The following TBC1D4 variants were observed in gnomAD, a reference collection of about 807,000 sequenced individuals.
TBC1D4 encodes the protein TBC (Tre-2, BUB2, CDC16) domain-containing protein.
Under a neutral mutation model 142.5 loss-of-function variants are expected in TBC1D4, and 121 were observed. The ratio of observed to expected loss-of-function variants is 0.85; its 90% confidence interval spans 0.73 to 0.99. The LOEUF is 0.99. Ranked by LOEUF, TBC1D4 falls within the 50% of genes least tolerant of loss-of-function variation. TBC1D4 has a pLI of 0.00. For missense variants in TBC1D4, 1,475 were observed against 1,606.6 expected (o/e 0.92, Z 1.40); for synonymous variants, 630 against 628.2 (o/e 1.00, Z -0.04).
Position 75,418,318 on chromosome 13 carries a change from C to T in TBC1D4, c.499-55711G>A, listed in dbSNP as rs142108190. 3.6e-3 allele frequency among the ~76,000 whole-genome samples: 543 copies of T among 152,216 alleles called. 5 individuals carry two copies. Among genetic ancestry groups the T allele is most frequent in the Non-Finnish European group, 5.6e-3 (381 of 68,022 alleles). On this transcript the variant is annotated intron_variant, in intron 1 of 20. Transcript: ENST00000377636. ...AATTGTAATCGAATGTGTGAAAAGA[C>T]CTGTTTAAATGAGAATCCAGATGGA...
At chr13:75,313,345 G>A (rs1444846669) in intron 12 of TBC1D4, among the ~76,000 whole-genome samples, 2 of 152,136 alleles carry the variant, frequency 1.3e-5, no homozygotes, top group Non-Finnish European at 2.9e-5. Context: ...AATTGCCTAC[G>A]ACTGTTAAGA....
chr13:75,381,742 T>A (rs1883858995), intron 1 of TBC1D4, among the ~76,000 whole-genome samples: 1 of 152,214 alleles, frequency 6.6e-6, no homozygotes. Flanking sequence ...CCAGAGGCCC[T>A]AAGTATGCTA....
intron 1 of TBC1D4, among the ~76,000 whole-genome samples, chr13:75,429,536 C>T (rs1886510649): frequency 1.3e-5 from 2 of 152,054 alleles, no homozygotes; most frequent in Admixed American, 1.3e-4. Flanking sequence ...GATTTTCATG[C>T]CCAGGCATTT....
At chr13:75,443,260 G>A (rs1445467173) in intron 1 of TBC1D4, among the ~76,000 whole-genome samples, 1 of 152,082 alleles carries the variant, frequency 6.6e-6, no homozygotes, top group Admixed American at 6.5e-5. Flanking sequence ...AGTTTCTAAA[G>A]GAACATAAAA....
At position 75,482,133 on chromosome 13, in the gene TBC1D4, C is replaced by G. The variant is rs942143024; in HGVS notation, c.-366G>C. 1.5e-5 allele frequency: 3 copies of G among 203,980 alleles called. No individual in the cohort carries two copies. Among genetic ancestry groups the G allele is most frequent in the African/African-American group, 4.6e-5 (2 of 43,354 alleles). The allele number at this position is 203,980 out of a possible 1,614,324, so 12.6% of individuals were successfully genotyped here. ...CGGCCGCCGGCTCCAGCGCTGCAGCCCCGCTGCGGCCGCCGCGCTCGCCTG... is the reference window on the plus strand; with the variant it reads ...CGGCCGCCGGCTCCAGCGCTGCAGCGCCGCTGCGGCCGCCGCGCTCGCCTG... On this transcript the variant is annotated 5_prime_UTR_variant, in exon 1 of 21. Transcript: ENST00000377636.
chr13:75,329,454 C>A (rs188561329), intron 8 of TBC1D4, among the ~76,000 whole-genome samples: 1 of 151,302 alleles, frequency 6.6e-6, no homozygotes, highest in Non-Finnish European at 1.5e-5. Flanking sequence ...CTCTCTCCCC[C>A]GCTTGTTTTT....
chr13:75,301,089 T>C (rs766688007), intron 16 of TBC1D4, among the ~76,000 whole-genome samples: 22 of 152,214 alleles, frequency 1.4e-4, no homozygotes, highest in Non-Finnish European at 2.9e-4. Flanking sequence ...TGATTTTTCA[T>C]ATGCCCTAAT....
chr13:75,310,288 G>T, intron 13 of TBC1D4, 137 bp from the exon 14 acceptor site: 1 of 854,230 alleles, frequency 1.2e-6, no homozygotes, highest in Non-Finnish European at 1.9e-6. Context: ...CTTAGTTTCT[G>T]CAGCTAATAT....
chr13:75,395,535 A>C (rs867689471), intron 1 of TBC1D4, among the ~76,000 whole-genome samples: 1 of 152,226 alleles, frequency 6.6e-6, no homozygotes, highest in Admixed American at 6.5e-5. Flanking sequence ...TCCAACAGTG[A>C]AAATAAATGA....
intron 1 of TBC1D4, among the ~76,000 whole-genome samples, chr13:75,458,576 T>G (rs111735109): frequency 2.4e-4 from 37 of 152,316 alleles, no homozygotes; most frequent in African/African-American, 6.3e-4. Context: ...TTACCTAGTA[T>G]TTCCCTGCAT....
At chr13:75,293,846 T>C (rs1415189546) in intron 18 of TBC1D4, among the ~76,000 whole-genome samples, 5 of 152,234 alleles carry the variant, frequency 3.3e-5, no homozygotes. Flanking sequence ...ATTTCCTTAC[T>C]ATTTGTAATA....
chr13:75,334,401 A>G (rs1012956986), intron 8 of TBC1D4, among the ~76,000 whole-genome samples: 1 of 152,066 alleles, frequency 6.6e-6, no homozygotes, highest in Non-Finnish European at 1.5e-5. Context: ...AGGAACATAT[A>G]CATATATACT....
chr13:75,295,475 C>T (rs1474811194), intron 17 of TBC1D4, among the ~76,000 whole-genome samples: 1 of 152,172 alleles, frequency 6.6e-6, no homozygotes, highest in Non-Finnish European at 1.5e-5. Flanking sequence ...AGAGTTCTGG[C>T]TCTCCAGACA....
intron 1 of TBC1D4, among the ~76,000 whole-genome samples, chr13:75,442,411 A>C (rs1217026784): frequency 6.6e-6 from 1 of 152,234 alleles, no homozygotes; most frequent in African/African-American, 2.4e-5. Context: ...AAATAAAACA[A>C]TGCTATGAAT....
At chr13:75,298,319 T>C (rs1348798634) in intron 17 of TBC1D4, among the ~76,000 whole-genome samples, 1 of 152,210 alleles carries the variant, frequency 6.6e-6, no homozygotes, top group East Asian at 1.9e-4. Context: ...AAACTGCTTA[T>C]TAGCAACCAA....
chr13:75,301,034 T>C (rs1876484589), intron 16 of TBC1D4, among the ~76,000 whole-genome samples: 1 of 152,204 alleles, frequency 6.6e-6, no homozygotes, highest in South Asian at 2.1e-4. Flanking sequence ...GTAAGAGCCA[T>C]TTGTCATCCA....
intron 1 of TBC1D4, chr13:75,375,559 T>C (rs1343036852): frequency 6.6e-6 from 1 of 152,076 alleles, no homozygotes; most frequent in Non-Finnish European, 1.5e-5. Context: ...CATGAAAGTG[T>C]AGTTAGGGGT....
chr13:75,466,356 C>G (rs1190425659), intron 1 of TBC1D4, among the ~76,000 whole-genome samples: 1 of 152,128 alleles, frequency 6.6e-6, no homozygotes, highest in African/African-American at 2.4e-5. Flanking sequence ...TCCATCCGCA[C>G]TAGAAAAATG....
At chr13:75,409,032 T>TAC (rs1328091957) in intron 1 of TBC1D4, among the ~76,000 whole-genome samples, 13 of 42,734 alleles carry the variant, frequency 3.0e-4, no homozygotes, top group African/African-American at 5.7e-4. Context: ...CATATATATA[T>TAC]ACACACACGC....
Sources: allele counts gnomAD v4.1 joint callset (sites outside exome capture counted in the v4.1 genomes callset), GRCh38; gene constraint gnomAD v4.1.1; transcripts MANE v1.5; gene names NCBI Gene and HGNC (gene_info 2026-07-23, HGNC 2026-07-21).